SGMS2: variants seen among roughly 807,000 people sequenced by gnomAD.
SGMS2 encodes the protein sphingomyelin synthase 2.
Under a neutral mutation model 43.8 loss-of-function variants are expected in SGMS2, and 21 were observed. The ratio of observed to expected loss-of-function variants is 0.48; its 90% CI spans 0.34 to 0.69. The LOEUF (loss-of-function observed/expected upper bound fraction) is 0.69. SGMS2 is among the 30% of genes least tolerant of loss of function. SGMS2 has a pLI of 0.01. For synonymous variants in SGMS2, 167 were observed against 160.6 expected (o/e 1.04, Z -0.30); for missense variants, 384 against 443.2 (o/e 0.87, Z 1.20).
At chr4:107,876,436 T>C (rs2126069269) in intron 2 of SGMS2, among the ~76,000 whole-genome samples, 1 of 152,334 alleles carries the variant, frequency 6.6e-6, no homozygotes, top group African/African-American at 2.4e-5. Flanking sequence ...GATTTTTGCT[T>C]AAAGGTAACT....
chr4:107,905,141 T>C (rs1731447293), intron 5 of SGMS2, among the ~76,000 whole-genome samples: 1 of 152,180 alleles, frequency 6.6e-6, no homozygotes, highest in African/African-American at 2.4e-5. Context: ...CAAGACTGGG[T>C]AATTTATAAA....
chr4:107,854,983 G>A (rs952233346), intron 1 of SGMS2, among the ~76,000 whole-genome samples: 1 of 152,066 alleles, frequency 6.6e-6, no homozygotes, highest in Non-Finnish European at 1.5e-5. Context: ...GGAGATATAT[G>A]CATTTTCTCT....
intron 2 of SGMS2, among the ~76,000 whole-genome samples, chr4:107,869,184 G>A (rs1441229267): frequency 6.6e-6 from 1 of 152,116 alleles, no homozygotes; most frequent in Non-Finnish European, 1.5e-5. Context: ...ACCCAACTGG[G>A]TAGTGAGTGC....
At chr4:107,910,306 T>C in intron 6 of SGMS2, 44 bp from the exon 7 acceptor site, 6 of 1,509,222 alleles carry the variant, frequency 4.0e-6, no homozygotes, top group Non-Finnish European at 4.6e-6. Context: ...GGATGCAAAT[T>C]GAGAAAGATA....
intron 1 of SGMS2, among the ~76,000 whole-genome samples, chr4:107,850,182 C>T (rs1727060112): frequency 6.6e-6 from 1 of 152,164 alleles, no homozygotes. Context: ...CCTTTACCTT[C>T]CACCATGATT....
chr4:107,877,913 C>CTTTTTTTTTTTTTTTTTTTTTT (rs774442653), intron 2 of SGMS2, among the ~76,000 whole-genome samples: 1 of 102,178 alleles, frequency 9.8e-6, no homozygotes, highest in African/African-American at 3.9e-5. Flanking sequence ...TTTTTCTTTT[C>CTTTTTTTTTTTTTTTTTTTTTT]TTTTTTTTTT....
intron 2 of SGMS2, among the ~76,000 whole-genome samples, chr4:107,859,695 A>G (rs913149755): frequency 1.3e-5 from 2 of 152,162 alleles, no homozygotes; most frequent in Non-Finnish European, 2.9e-5. Context: ...GAGCTTTAAA[A>G]AAAGCTCTTG....
rs996747046 is a variant in SGMS2 at position 107,913,960 on chromosome 4, A to G, written c.*3407A>G. The stretch of plus-strand genomic sequence containing the variant: ...TGATGAAAACTTTAAGCCAATCTTA[A>G]TGCACTAGCCTCTGTAGTGTAAGGA... On this transcript the variant is annotated 3_prime_UTR_variant, in exon 7 of 7. Coordinates refer to ENST00000690982, the MANE Select transcript of SGMS2 (RefSeq NM_001375905.1). 1 of 152,158 alleles carries G rather than the reference A, an allele frequency of 6.6e-6. No individual in the cohort carries two copies. Among genetic ancestry groups the G allele is most frequent in the Non-Finnish European group, 1.5e-5 (1 of 68,010 alleles). The allele number at this position is 152,158 out of a possible 1,614,324, so 9.4% of individuals were successfully genotyped here.
At position 107,854,381 on chromosome 4, in the gene SGMS2, T is replaced by G. The variant is rs1225820071; in HGVS notation, c.-326-4091T>G. On this transcript the variant is annotated intron_variant, in intron 1 of 6. Coordinates refer to ENST00000690982, the MANE Select transcript of SGMS2 (RefSeq NM_001375905.1). ...AATAGCTTTTGTAATTCATAAAAGT[T>G]CTGTGTTTAACTGTTAGGTGGAGCC... is the stretch of plus-strand genomic sequence containing the variant. Among the ~76,000 whole-genome samples the G allele has an allele frequency of 2.1e-5, 3 of 144,106 alleles. No individual in the cohort carries two copies. The Admixed American group carries it at 2.3e-4, about 11-fold the overall frequency. 94.5% of individuals were successfully genotyped at this position (144,106 alleles called of 152,430 possible).
Position 107,895,733 on chromosome 4 carries a change from C to T in SGMS2, c.180C>T (p.Ile60=), listed in dbSNP as rs377506197. Residue 60 remains isoleucine, a synonymous_variant, in exon 3 of 7, where the codon ATC becomes ATT. Coordinates refer to ENST00000690982, the MANE Select transcript of SGMS2 (RefSeq NM_001375905.1). ...RKGTKKYPDY[I]QIAMPTESRN... is the part of the protein sequence containing the mutation. The stretch of plus-strand genomic sequence containing the variant: ...GCACCAAAAAGTACCCGGACTATAT[C>T]CAAATTGCTATGCCCACTGAATCAA... 2.5e-6 allele frequency: 4 copies of T among 1,613,932 alleles called. No homozygotes were observed. The highest frequency in any genetic ancestry group is 1.7e-5 in the Admixed American group (1 of 59,954).
chr4:107,879,907 A>G (rs1291732239), intron 2 of SGMS2, among the ~76,000 whole-genome samples: 1 of 152,234 alleles, frequency 6.6e-6, no homozygotes, highest in Non-Finnish European at 1.5e-5. Flanking sequence ...TAACCCAGAA[A>G]GAAACTTCCA....
intron 1 of SGMS2, among the ~76,000 whole-genome samples, chr4:107,836,062 A>T (rs535533809): frequency 6.6e-6 from 1 of 152,240 alleles, no homozygotes; most frequent in Non-Finnish European, 1.5e-5. Flanking sequence ...AAAATATTAT[A>T]TGTAATGTTA....
chr4:107,900,834 T>A (rs1731057864), intron 4 of SGMS2, among the ~76,000 whole-genome samples: 2 of 152,180 alleles, frequency 1.3e-5, no homozygotes, highest in African/African-American at 4.8e-5. Flanking sequence ...TTGGAGAAGC[T>A]ATACTTTTCC....
chr4:107,834,487 G>T (rs1350758388), intron 1 of SGMS2, among the ~76,000 whole-genome samples: 2 of 152,104 alleles, frequency 1.3e-5, no homozygotes, highest in African/African-American at 2.4e-5. Flanking sequence ...ATTTGTTTAG[G>T]GTGAAATGAT....
At chr4:107,865,522 T>A (rs1728050996) in intron 2 of SGMS2, among the ~76,000 whole-genome samples, 2 of 152,214 alleles carry the variant, frequency 1.3e-5, no homozygotes, top group Non-Finnish European at 2.9e-5. Context: ...TTACATTATT[T>A]CCTAATTTTG....
intron 3 of SGMS2, among the ~76,000 whole-genome samples, chr4:107,896,568 G>A (rs1730688362): frequency 6.6e-6 from 1 of 152,086 alleles, no homozygotes; most frequent in South Asian, 2.1e-4. Context: ...AGTTACAAGT[G>A]TTTAAGAGAC....
At chr4:107,833,481 A>G (rs565811845) in intron 1 of SGMS2, among the ~76,000 whole-genome samples, 9 of 152,212 alleles carry the variant, frequency 5.9e-5, no homozygotes, top group Non-Finnish European at 1.3e-4. Context: ...TTGAGTGCCA[A>G]TGTGACACCA....
intron 2 of SGMS2, among the ~76,000 whole-genome samples, chr4:107,890,310 G>C (rs750437098): frequency 5.3e-5 from 8 of 152,074 alleles, no homozygotes; most frequent in Middle Eastern, 3.2e-3. Flanking sequence ...TGCAGCAGAG[G>C]GTGAAAGAGA....
intron 2 of SGMS2, among the ~76,000 whole-genome samples, chr4:107,859,457 G>A (rs115167615): frequency 6.6e-6 from 1 of 152,224 alleles, no homozygotes; most frequent in Non-Finnish European, 1.5e-5. Flanking sequence ...TAGGAATGTT[G>A]CTAAGGTTAG....
Sources: allele counts gnomAD v4.1 joint callset (sites outside exome capture counted in the v4.1 genomes callset), GRCh38; gene constraint gnomAD v4.1.1; transcripts MANE v1.5; gene names NCBI Gene and HGNC (gene_info 2026-07-23, HGNC 2026-07-21).